Variants in NDUFS1 observed in about 807,000 individuals in gnomAD.
NDUFS1 encodes NADH:ubiquinone oxidoreductase core subunit S1.
In NDUFS1, 61 loss-of-function variants were observed where a neutral mutation model predicts 84.4. The ratio of observed to expected loss-of-function variants is 0.72; its 90% CI spans 0.59 to 0.89. The LOEUF (loss-of-function observed/expected upper bound fraction) is 0.89. NDUFS1 is among the 40% of genes least tolerant of loss of function. NDUFS1 has a pLI of 0.00. For missense variants in NDUFS1, 891 were observed against 890.0 expected (o/e 1.00, Z -0.01); for synonymous variants, 275 against 290.0 (o/e 0.95, Z 0.53).
Position 206,123,432 on chromosome 2 carries a change from TTTTTA to T in NDUFS1, c.*748_*752del, listed in dbSNP as rs1412931122. On this transcript the variant is annotated 3_prime_UTR_variant, in exon 19 of 19. Transcript: ENST00000233190. ...TGTTCACCATTAAACTCAATACTAATTTTTAGAAGTAACAACCTATAGAATCAACA... is the reference window on the plus strand; with the variant it reads ...TGTTCACCATTAAACTCAATACTAATGAAGTAACAACCTATAGAATCAACA... 2 of 151,838 alleles carry T rather than the reference TTTTTA, an allele frequency of 1.3e-5. No individual in the cohort carries two copies. Among genetic ancestry groups the T allele is most frequent in the African/African-American group, 4.8e-5 (2 of 41,360 alleles). The allele number at this position is 151,838 out of a possible 1,614,324, so 9.4% of individuals were successfully genotyped here.
At chr2:206,134,749 GGAGAATTGCTT>G (rs1457409561) in intron 13 of NDUFS1, among the ~76,000 whole-genome samples, 1 of 152,100 alleles carries the variant, frequency 6.6e-6, no homozygotes, top group African/African-American at 2.4e-5. Context: ...GGCTGAGGTG[GGAGAATTGCTT>G]GAGGCCAGGA....
rs1690944934 is a variant in NDUFS1, at chr2:206,116,442, A to C, written c.*7743T>G. 1 of 916,316 alleles carries C rather than the reference A, an allele frequency of 1.1e-6. No individual in the cohort carries two copies. Among genetic ancestry groups the C allele is most frequent in the Non-Finnish European group, 1.7e-6 (1 of 577,608 alleles). 56.8% of individuals were successfully genotyped at this position (916,316 alleles called of 1,614,324 possible). On this transcript the variant is annotated 3_prime_UTR_variant, in exon 19 of 19. Transcript: ENST00000233190. ...CGATAGGCAGGGCGCGGCAGGTGCCAGGACCACGTGCAGGCTGCAGAGCAC... is the reference window on the plus strand; with the variant it reads ...CGATAGGCAGGGCGCGGCAGGTGCCCGGACCACGTGCAGGCTGCAGAGCAC...
Position 206,130,258 on chromosome 2 carries a change from G to A in NDUFS1, c.1554-16C>T, listed in dbSNP as rs1376856766. ...ACTTGCAATCCTGCAAAGCAATTAT[G>A]GAATTTTACCATAACTGCAGTATTT... is the stretch of plus-strand genomic sequence containing the variant. On this transcript the variant is annotated splice_polypyrimidine_tract_variant and intron_variant, in intron 14 of 18. Coordinates refer to ENST00000233190, the MANE Select transcript of NDUFS1 (RefSeq NM_005006.7). 6.2e-7 allele frequency: 1 copy of A among 1,613,948 alleles called. No homozygotes were observed. Among genetic ancestry groups the A allele is most frequent in the East Asian group, 2.2e-5 (1 of 44,886 alleles).
chr2:206,152,770 T>C (rs900069143), intron 2 of NDUFS1, among the ~76,000 whole-genome samples: 1 of 148,774 alleles, frequency 6.7e-6, no homozygotes, highest in Non-Finnish European at 1.5e-5. Flanking sequence ...AGTGGCGCCA[T>C]CTTGGCTCAC....
chr2:206,147,006 TTTC>T lies in NDUFS1; in HGVS notation c.631_633del (p.Glu211del), dbSNP rs1164813108. ...CCAGACAGTTCAGACATGAACATCT[TTTC>T]AATGTATGTGCCAACTTGCATATCA... On this transcript the variant is annotated inframe_deletion, in exon 8 of 19. Coordinates refer to ENST00000233190, the MANE Select transcript of NDUFS1 (RefSeq NM_005006.7). The T allele has an allele frequency of 3.8e-5, 62 of 1,614,014 alleles. No individual in the cohort carries two copies. Among genetic ancestry groups the T allele is most frequent in the Non-Finnish European group, 5.2e-5 (61 of 1,180,000 alleles).
At chr2:206,128,792 T>A (rs895521197) in intron 15 of NDUFS1, among the ~76,000 whole-genome samples, 23 of 149,414 alleles carry the variant, frequency 1.5e-4, no homozygotes, top group South Asian at 2.1e-4. Context: ...AAAAAAAAAA[T>A]TTTTTTTTTA....
At chr2:206,142,871 C>T (rs182049865) in intron 10 of NDUFS1, 40 bp from the exon 11 acceptor site, 249 of 1,611,830 alleles carry the variant, frequency 1.5e-4, no homozygotes, top group African/African-American at 1.3e-3. Context: ...GAAACCTACA[C>T]GCAGCAAAGA....
intron 1 of NDUFS1, among the ~76,000 whole-genome samples, chr2:206,153,956 T>C (rs765044516): frequency 6.6e-6 from 1 of 152,164 alleles, no homozygotes; most frequent in Non-Finnish European, 1.5e-5. Flanking sequence ...AAAAATGACA[T>C]AGAAAGGATC....
At chr2:206,125,095 C>T (rs570056614) in intron 18 of NDUFS1, among the ~76,000 whole-genome samples, 2,097 of 151,648 alleles carry the variant, frequency 0.014, 44 homozygotes, top group East Asian at 0.09. Context: ...ATCTGCCCCC[C>T]TCAGCCTCCC....
rs1269042109 is a variant in NDUFS1, at chr2:206,118,380, C to CT, written c.*5804dup. 6.6e-6 allele frequency: 1 copy of CT among 152,194 alleles called. No individual in the cohort carries two copies. Among genetic ancestry groups the CT allele is most frequent in the Non-Finnish European group, 1.5e-5 (1 of 68,060 alleles). The allele number at this position is 152,194 out of a possible 1,614,324, so 9.4% of individuals were successfully genotyped here. ...GTGGCTCATGCCTGTAATCCCAGCA[C>CT]TTTGGGAGGCTGAGGCAGGTGGATC... On this transcript the variant is annotated 3_prime_UTR_variant, in exon 19 of 19. Coordinates refer to ENST00000233190, the MANE Select transcript of NDUFS1 (RefSeq NM_005006.7).
chr2:206,133,714 A>C (rs1575958181), intron 13 of NDUFS1, among the ~76,000 whole-genome samples: 1 of 152,250 alleles, frequency 6.6e-6, no homozygotes, highest in Non-Finnish European at 1.5e-5. Flanking sequence ...ACGGTGGCTC[A>C]CGCCTGTAAT....
At chr2:206,152,710 T>A (rs1424239849) in intron 2 of NDUFS1, among the ~76,000 whole-genome samples, 200 bp from the exon 3 acceptor site, 4 of 149,934 alleles carry the variant, frequency 2.7e-5, no homozygotes, top group Admixed American at 2.7e-4. Context: ...CTTCTTTTTT[T>A]TTTTTTTTTT....
chr2:206,139,692 T>C (rs935477484), intron 12 of NDUFS1, among the ~76,000 whole-genome samples: 1 of 151,968 alleles, frequency 6.6e-6, no homozygotes, highest in Non-Finnish European at 1.5e-5. Flanking sequence ...AATGACTATA[T>C]AGTCTGGTTT....
At position 206,115,757 on chromosome 2, in the gene NDUFS1, T is replaced by A. The variant is rs1690927686; in HGVS notation, c.*8428A>T. On this transcript the variant is annotated 3_prime_UTR_variant, in exon 19 of 19. Coordinates refer to ENST00000233190, the MANE Select transcript of NDUFS1 (RefSeq NM_005006.7). ...TTAAGTATTTCATCCCAAGTCCAGG[T>A]ATGGACATACACAAGTTACAATATT... The A allele has an allele frequency of 2.5e-6, 1 of 397,878 alleles. No homozygotes were observed. Among genetic ancestry groups the A allele is most frequent in the African/African-American group, 2.1e-5 (1 of 48,020 alleles). 24.6% of individuals were successfully genotyped at this position (397,878 alleles called of 1,614,324 possible).
intron 9 of NDUFS1, 26 bp from the exon 10 acceptor site, chr2:206,144,158 T>C: frequency 6.6e-7 from 1 of 1,521,492 alleles, no homozygotes; most frequent in East Asian, 2.3e-5. Context: ...TACACCATTG[T>C]GGAATCTTGC....
chr2:206,149,101 G>A lies in NDUFS1; in HGVS notation c.262-5C>T, dbSNP rs767556177. On this transcript the variant is annotated splice_polypyrimidine_tract_variant and splice_region_variant and intron_variant, in intron 4 of 18. Coordinates refer to ENST00000233190, the MANE Select transcript of NDUFS1 (RefSeq NM_005006.7). ...CATGGCACAAGCAGCTACAACCTGGGATTTCAATGAAAAAAAAAAATGTGT... is the reference window on the plus strand; with the variant it reads ...CATGGCACAAGCAGCTACAACCTGGAATTTCAATGAAAAAAAAAAATGTGT... 83 of 1,604,198 alleles carry A rather than the reference G, an allele frequency of 5.2e-5. 2 individuals are homozygous for A. The South Asian group carries it at 8.3e-4, about 16-fold the overall frequency.
chr2:206,138,135 G>T (rs1691791857), intron 13 of NDUFS1, among the ~76,000 whole-genome samples: 1 of 152,190 alleles, frequency 6.6e-6, no homozygotes, highest in Non-Finnish European at 1.5e-5. Flanking sequence ...CTGTTGCCCA[G>T]GCTGGAGTGC....
rs1690961273 is a variant in NDUFS1, at chr2:206,116,947, A to G, written c.*7238T>C. On this transcript the variant is annotated 3_prime_UTR_variant, in exon 19 of 19. Transcript: ENST00000233190. ...TTGAGGCAGGAAAACTGAACCCGGG[A>G]GGTGGAGGTTGCAGTGAGCTGAGAT... The G allele has an allele frequency of 6.6e-6, 1 of 152,452 alleles. No individual in the cohort carries two copies. Among genetic ancestry groups the G allele is most frequent in the African/African-American group, 2.4e-5 (1 of 41,372 alleles). 9.4% of individuals were successfully genotyped at this position (152,452 alleles called of 1,614,324 possible). A position where few individuals can be genotyped will look rare whatever the true frequency, so the allele number is the denominator to read the frequency against.
At chr2:206,145,074 A>G in intron 8 of NDUFS1, 48 bp from the exon 9 acceptor site, 2 of 1,534,814 alleles carry the variant, frequency 1.3e-6, no homozygotes, top group Non-Finnish European at 1.8e-6. Context: ...GGAATAAAGA[A>G]AGTTTCTGTT....
Sources: gnomAD v4.1 joint callset for allele counts (sites outside exome capture counted in the v4.1 genomes callset) on GRCh38, gnomAD v4.1.1 for gene constraint, MANE v1.5 for transcripts, NCBI Gene and HGNC (gene_info 2026-07-23, HGNC 2026-07-21) for gene names.